Variants in SLC26A7 observed in about 807,000 individuals in gnomAD.
SLC26A7 encodes solute carrier family 26 member 7, also known as anion exchange transporter.
SLC26A7 carries 59 observed loss-of-function variants against 82.5 expected under a neutral mutation model. That is an observed-to-expected ratio of 0.72 (90% confidence interval 0.58 to 0.89). The LOEUF is 0.89. SLC26A7 is among the 40% of genes least tolerant of loss of function. The probability of loss-of-function intolerance (pLI) is 0.00; values close to 1 mark genes in which losing one functional copy is unlikely to be tolerated. For synonymous variants in SLC26A7, 271 were observed against 274.3 expected, an observed-to-expected ratio of 0.99 and a Z score of 0.12; for missense variants, 820 against 793.0, an observed-to-expected ratio of 1.03 and a Z score of -0.41.
At chr8:91,282,744 A>G (rs1290092471) in intron 2 of SLC26A7, among the ~76,000 whole-genome samples, 1 of 152,168 alleles carries the variant, frequency 6.6e-6, no homozygotes, top group Non-Finnish European at 1.5e-5. Context: ...AAGACTCTTT[A>G]CCATCTAATT....
At chr8:91,327,565 G>A (rs909462210) in intron 5 of SLC26A7, among the ~76,000 whole-genome samples, 2 of 152,088 alleles carry the variant, frequency 1.3e-5, no homozygotes, top group Non-Finnish European at 2.9e-5. Flanking sequence ...TTGCACATGT[G>A]GTAGCTGGCA....
At chr8:91,230,942 G>A (rs1293884149) in intron 2 of SLC26A7, among the ~76,000 whole-genome samples, 1 of 151,734 alleles carries the variant, frequency 6.6e-6, no homozygotes, top group Non-Finnish European at 1.5e-5. Flanking sequence ...CTGACCATGA[G>A]ATAGATTTAG....
At chr8:91,215,118 C>T (rs778442759) in intron 1 of SLC26A7, among the ~76,000 whole-genome samples, 8 of 152,098 alleles carry the variant, frequency 5.3e-5, no homozygotes, top group Non-Finnish European at 1.2e-4. Flanking sequence ...GGGTAACTTC[C>T]TTATCTCAAG....
intron 9 of SLC26A7, chr8:91,348,349 C>T (rs1483193658): frequency 2.0e-6 from 2 of 985,308 alleles, no homozygotes; most frequent in African/African-American, 1.7e-5. Flanking sequence ...TTGACAACTG[C>T]TTAGGAAGTA....
intron 2 of SLC26A7, among the ~76,000 whole-genome samples, chr8:91,254,191 C>A (rs748585909): frequency 1.3e-5 from 2 of 152,024 alleles, no homozygotes; most frequent in Non-Finnish European, 2.9e-5. Context: ...AGTCCAGATG[C>A]CCAGCTTCTC....
intron 6 of SLC26A7, among the ~76,000 whole-genome samples, chr8:91,336,706 C>T (rs1813254407): frequency 6.6e-6 from 1 of 151,996 alleles, no homozygotes; most frequent in Non-Finnish European, 1.5e-5. Flanking sequence ...ACCAATTACT[C>T]AACTGATAAG....
At chr8:91,308,306 C>A (rs544176306) in intron 4 of SLC26A7, among the ~76,000 whole-genome samples, 6 of 151,274 alleles carry the variant, frequency 4.0e-5, no homozygotes, top group Non-Finnish European at 8.9e-5. Context: ...ATAAAATACA[C>A]ATAACATAAA....
At chr8:91,300,459 G>A (rs1812133226) in intron 4 of SLC26A7, among the ~76,000 whole-genome samples, 1 of 150,998 alleles carries the variant, frequency 6.6e-6, no homozygotes, top group Admixed American at 6.6e-5. Flanking sequence ...GTGCAGGGGC[G>A]CGATCTCGGC....
At chr8:91,214,398 T>C (rs1364950038) in intron 1 of SLC26A7, among the ~76,000 whole-genome samples, 2 of 152,218 alleles carry the variant, frequency 1.3e-5, no homozygotes, top group East Asian at 3.8e-4. Context: ...TTCTTCAGTA[T>C]GTTATTTGAA....
chr8:91,319,878 G>A (rs1445331708), intron 5 of SLC26A7, among the ~76,000 whole-genome samples: 3 of 152,134 alleles, frequency 2.0e-5, no homozygotes, highest in Non-Finnish European at 4.4e-5. Flanking sequence ...AAAGAAGCAG[G>A]GTAGCCTGCT....
chr8:91,264,258 C>G (rs148801589), intron 2 of SLC26A7, among the ~76,000 whole-genome samples: 1 of 152,184 alleles, frequency 6.6e-6, no homozygotes, highest in East Asian at 1.9e-4. Context: ...ATGTCTCCAA[C>G]AAGCTCAAGC....
chr8:91,333,899 T>C (rs775444241), intron 5 of SLC26A7, among the ~76,000 whole-genome samples: 1 of 152,188 alleles, frequency 6.6e-6, no homozygotes, highest in South Asian at 2.1e-4. Context: ...ATCTGTGTTC[T>C]TGTTTGCTTC....
At position 91,393,985 on chromosome 8, in the gene SLC26A7, AC is replaced by A. The variant is rs768718640; in HGVS notation, c.1883del (p.Pro628GlnfsTer11). ...TYYGNLDSEK[P>X]IFFESVSAAI... ...ATTATGGAAACCTAGACTCAGAGAAACCAATTTTTTTTGAATCGGTATCTGC... is the reference window on the plus strand; with the variant it reads ...ATTATGGAAACCTAGACTCAGAGAAACAATTTTTTTTGAATCGGTATCTGC... On this transcript the variant is annotated frameshift_variant, in exon 18 of 19. Transcript: ENST00000276609. LOFTEE classifies it high-confidence loss of function. 12 of 1,613,636 alleles carry A rather than the reference AC, an allele frequency of 7.4e-6. No homozygotes were observed. Among genetic ancestry groups the A allele is most frequent in the Admixed American group, 6.7e-5 (4 of 59,984 alleles).
chr8:91,298,025 C>T (rs191016833), intron 4 of SLC26A7, among the ~76,000 whole-genome samples: 176 of 152,236 alleles, frequency 1.2e-3, no homozygotes, highest in South Asian at 5.6e-3. Flanking sequence ...ACCCTCCTAT[C>T]GGAGGCTTAC....
In SLC26A7 at chr8:91,306,480, T is replaced by C. The variant is rs62527445; in HGVS notation, c.477+10777T>C. ...AATTTAGACTTACCTGAAGATTCTG[T>C]GGAACAGGTGGAGAGGATTTTCTTT... On this transcript the variant is annotated intron_variant, in intron 4 of 18. Coordinates refer to ENST00000276609, the MANE Select transcript of SLC26A7 (RefSeq NM_052832.4). 3.4e-3 allele frequency among the ~76,000 whole-genome samples: 513 copies of C among 152,298 alleles called. 1 individual carries two copies. Among genetic ancestry groups the C allele is most frequent in the Non-Finnish European group, 6.2e-3 (420 of 68,022 alleles).
At chr8:91,296,430 G>A (rs1361272850) in intron 4 of SLC26A7, among the ~76,000 whole-genome samples, 1 of 152,020 alleles carries the variant, frequency 6.6e-6, no homozygotes, top group African/African-American at 2.4e-5. Flanking sequence ...AAACTTCTTG[G>A]GTGGCTGTGT....
At chr8:91,220,562 T>G (rs543017936) in intron 2 of SLC26A7, among the ~76,000 whole-genome samples, 1 of 152,210 alleles carries the variant, frequency 6.6e-6, no homozygotes, top group East Asian at 1.9e-4. Context: ...CCATGTGTTC[T>G]CAACGTTCAA....
intron 2 of SLC26A7, among the ~76,000 whole-genome samples, chr8:91,243,286 A>C (rs1810498413): frequency 6.6e-6 from 1 of 152,172 alleles, no homozygotes; most frequent in Admixed American, 6.5e-5. Flanking sequence ...GCTTGAAACA[A>C]ATAAAAATAA....
intron 2 of SLC26A7, among the ~76,000 whole-genome samples, chr8:91,254,966 G>A (rs2130704527): frequency 6.6e-6 from 1 of 152,236 alleles, no homozygotes; most frequent in South Asian, 2.1e-4. Flanking sequence ...TGGATGGCAA[G>A]CTAAGCAGTA....
Sources: allele counts gnomAD v4.1 joint callset (sites outside exome capture counted in the v4.1 genomes callset), GRCh38; gene constraint gnomAD v4.1.1; transcripts MANE v1.5; gene names NCBI Gene and HGNC (gene_info 2026-07-23, HGNC 2026-07-21).